CTSL: variants seen among roughly 807,000 people sequenced by gnomAD.
CTSL encodes cathepsin L.
CTSL carries 23 observed loss-of-function variants against 34.7 expected under a neutral mutation model. That is an observed-to-expected ratio of 0.66 (90% CI 0.48 to 0.94). The LOEUF (loss-of-function observed/expected upper bound fraction) is 0.94. CTSL is among the 40% of genes least tolerant of loss of function. The pLI, the probability that CTSL is intolerant of heterozygous loss-of-function variation, is 0.00. For synonymous variants in CTSL, 129 were observed against 136.7 expected, an observed-to-expected ratio of 0.94 and a Z score of 0.39; for missense variants, 361 against 406.3, an observed-to-expected ratio of 0.89 and a Z score of 0.96.
rs773966496 is a variant in CTSL, at chr9:87,728,012, C to T, written c.127-15C>T. On this transcript the variant is annotated splice_polypyrimidine_tract_variant and intron_variant, in intron 2 of 7. Coordinates refer to ENST00000343150, the MANE Select transcript of CTSL (RefSeq NM_001912.5). ...AGGTAGAAGTAAAGAGCATCAGTTA[C>T]ATGTTTGCCTCTAGAATGAAGAAGG... The T allele has an allele frequency of 1.2e-6, 2 of 1,612,928 alleles. No individual in the cohort carries two copies. Among genetic ancestry groups the T allele is most frequent in the South Asian group, 2.2e-5 (2 of 91,072 alleles).
chr9:87,727,957 G>T, intron 2 of CTSL, 70 bp from the exon 3 acceptor site: 1 of 1,598,560 alleles, frequency 6.3e-7, no homozygotes, highest in Non-Finnish European at 8.5e-7. Flanking sequence ...TCTGTCTGCA[G>T]ATTCACTTGG....
rs1371627121 is a variant in CTSL at position 87,731,094 on chromosome 9, A to G, written c.989A>G (p.Tyr330Cys). 1 of 1,613,498 alleles carries G rather than the reference A, an allele frequency of 6.2e-7. No individual in the cohort carries two copies. The highest frequency in any genetic ancestry group is 8.5e-7 in the Non-Finnish European group (1 of 1,179,652). ...NHCGIASAASYPTV is the reference protein window; with the variant it reads ...NHCGIASAASCPTV Reference sequence around the variant, plus strand: ...TGTGGAATTGCCTCAGCAGCCAGCTACCCCACTGTGTGAGCTGGTGGACGG... The same window carrying G: ...TGTGGAATTGCCTCAGCAGCCAGCTGCCCCACTGTGTGAGCTGGTGGACGG... The change falls in exon 8 of 8, where the codon TAC becomes TGC. Residue 330 changes from tyrosine to cysteine, a missense_variant. Transcript: ENST00000343150.
At chr9:87,730,221 G>A (rs550191975) in intron 6 of CTSL, among the ~76,000 whole-genome samples, 160 bp from the exon 7 acceptor site, 1 of 152,028 alleles carries the variant, frequency 6.6e-6, no homozygotes, top group African/African-American at 2.4e-5. Flanking sequence ...TTGTAAATGA[G>A]AGCTTAAATC....
chr9:87,727,769 G>C lies in CTSL; in HGVS notation c.126+40G>C, dbSNP rs144211513. 2.0e-3 allele frequency: 3,292 copies of C among 1,612,110 alleles called. 39 individuals are homozygous for C. In the African/African-American group the frequency reaches 0.025, roughly 12 times the overall value. On this transcript the variant is annotated intron_variant, in intron 2 of 7. Coordinates refer to ENST00000343150, the MANE Select transcript of CTSL (RefSeq NM_001912.5). ...CCCAGAAAGAATAGTCCTGGCTGTT[G>C]AGAAGTTTTAGTCAGAGAGTAGCTT...
At chr9:87,728,216 T>TG in intron 3 of CTSL, 34 bp from the exon 4 acceptor site, 1 of 1,614,118 alleles carries the variant, frequency 6.2e-7, no homozygotes, top group Non-Finnish European at 8.5e-7. Flanking sequence ...GGTAATCTCT[T>TG]GCTTTTCAAC....
At position 87,728,716 on chromosome 9, in the gene CTSL, A is replaced by C; in HGVS notation, c.528A>C (p.Glu176Asp). 6.2e-7 allele frequency: 1 copy of C among 1,614,176 alleles called. No individual in the cohort carries two copies. The highest frequency in any genetic ancestry group is 8.5e-7 in the Non-Finnish European group (1 of 1,180,032). Residue 176 changes from glutamate to aspartate, a missense_variant, in exon 5 of 8, where the codon GAA becomes GAC. By Grantham distance (45) the Glu-to-Asp change is conservative (BLOSUM62 2). Coordinates refer to ENST00000343150, the MANE Select transcript of CTSL (RefSeq NM_001912.5). ...ACTGCTCTGGGCCTCAAGGCAATGA[A>C]GGCTGCAATGGTGGCCTAATGGATT... ...LVDCSGPQGN[E>D]GCNGGLMDYA...
At chr9:87,729,157 CCT>C (rs1826156542) in intron 5 of CTSL, among the ~76,000 whole-genome samples, 1 of 150,166 alleles carries the variant, frequency 6.7e-6, no homozygotes, top group Non-Finnish European at 1.5e-5. Flanking sequence ...AGAATGAGAC[CCT>C]GTCTCCAAAA....
In CTSL at chr9:87,728,695, C is replaced by T; in HGVS notation, c.507C>T (p.Cys169=). 3 of 1,614,092 alleles carry T rather than the reference C, an allele frequency of 1.9e-6. No individual in the cohort carries two copies. The highest frequency in any genetic ancestry group is 2.5e-6 in the Non-Finnish European group (3 of 1,180,022). Residue 169 remains cysteine (C), a synonymous_variant, in exon 5 of 8, where the codon TGC becomes TGT. Transcript: ENST00000343150. ...ISLSEQNLVD[C]SGPQGNEGCN... ...TGAGTGAGCAGAATCTGGTAGACTG[C>T]TCTGGGCCTCAAGGCAATGAAGGCT...
Position 87,727,662 on chromosome 9 carries a change from C to G in CTSL, c.59C>G (p.Thr20Arg). The G allele has an allele frequency of 1.2e-6, 2 of 1,614,028 alleles. No individual in the cohort carries two copies. Among genetic ancestry groups the G allele is most frequent in the Non-Finnish European group, 1.7e-6 (2 of 1,179,966 alleles). The change falls in exon 2 of 8, where the codon ACA becomes AGA. Residue 20 changes from threonine to arginine, a missense_variant. Thr to Arg is a moderately conservative substitution (Grantham distance 71). Coordinates refer to ENST00000343150, the MANE Select transcript of CTSL (RefSeq NM_001912.5). ...CTGGGAATTGCCTCAGCTACTCTAA[C>G]ATTTGATCACAGTTTAGAGGCACAG... ...FCLGIASATL[T>R]FDHSLEAQWT...
At chr9:87,730,075 G>A (rs1826200237) in intron 6 of CTSL, among the ~76,000 whole-genome samples, 1 of 152,034 alleles carries the variant, frequency 6.6e-6, no homozygotes, top group Admixed American at 6.6e-5. Context: ...TTTGATTCAA[G>A]GATTTTAGTG....
rs546801058 is a variant in CTSL, at chr9:87,727,614, C to T, written c.11C>T (p.Thr4Ile). 6.2e-7 allele frequency: 1 copy of T among 1,614,132 alleles called. No individual in the cohort carries two copies. Among genetic ancestry groups the T allele is most frequent in the East Asian group, 2.2e-5 (1 of 44,884 alleles). Residue 4 changes from threonine (T) to isoleucine (I), a missense_variant, in exon 2 of 8, where the codon ACA (threonine) becomes ATA (isoleucine). Physicochemically the swap from Thr to Ile is moderately conservative, Grantham distance 89 (BLOSUM62 -1). Coordinates refer to ENST00000343150, the MANE Select transcript of CTSL (RefSeq NM_001912.5). ...CCTAGGTTTTAAAACATGAATCCTA[C>T]ACTCATCCTTGCTGCCTTTTGCCTG... MNP[T>I]LILAAFCLGI... is the part of the protein sequence containing the mutation.
chr9:87,731,374 A>G lies in CTSL; in HGVS notation c.*267A>G, dbSNP rs188657951. 4 of 274,542 alleles carry G rather than the reference A, an allele frequency of 1.5e-5. No individual in the cohort carries two copies. In the East Asian group the frequency reaches 1.9e-4, roughly 13 times the overall value. The allele number at this position is 274,542 out of a possible 1,614,324, so 17.0% of individuals were successfully genotyped here. A position where few individuals can be genotyped will look rare whatever the true frequency, so the allele number is the denominator to read the frequency against. ...TGTATAAATTTTTACCTGTTTAAAT[A>G]AAATTTAATTTCAAATGTAGTGGTG... On this transcript the variant is annotated 3_prime_UTR_variant, in exon 8 of 8. Transcript: ENST00000343150.
chr9:87,730,614 C>CT, intron 7 of CTSL, 116 bp downstream of exon 7: 2 of 663,386 alleles, frequency 3.0e-6, no homozygotes, highest in Non-Finnish European at 5.1e-6. Flanking sequence ...CCCCAGAAGT[C>CT]TAAGTTGAAC....
chr9:87,728,559 A>T, intron 4 of CTSL, 26 bp from the exon 5 acceptor site: 1 of 1,593,028 alleles, frequency 6.3e-7, no homozygotes. Flanking sequence ...TTTGTGGATG[A>T]CAGCTTTTTT....
rs1826250166 is a variant in CTSL at position 87,731,190 on chromosome 9, C to T, written c.*83C>T. 1 of 988,560 alleles carries T rather than the reference C, an allele frequency of 1.0e-6. No individual in the cohort carries two copies. The highest frequency in any genetic ancestry group is 1.6e-5 in the African/African-American group (1 of 62,670). The allele number at this position is 988,560 out of a possible 1,614,324, so 61.2% of individuals were successfully genotyped here. A position where few individuals can be genotyped will look rare whatever the true frequency, so the allele number is the denominator to read the frequency against. On this transcript the variant is annotated 3_prime_UTR_variant, in exon 8 of 8. Coordinates refer to ENST00000343150, the MANE Select transcript of CTSL (RefSeq NM_001912.5). ...TTCATCTTCAGTCTACCAGCCCCCG[C>T]TGTGTCGGATACACACTCGAATCAT...
chr9:87,729,778 T>C, intron 6 of CTSL, 43 bp downstream of exon 6: 1 of 1,564,510 alleles, frequency 6.4e-7, no homozygotes, highest in Non-Finnish European at 8.7e-7. Context: ...AGAAAAAGAG[T>C]ATCATGACAT....
Position 87,731,096 on chromosome 9 carries a change from C to T in CTSL, c.991C>T (p.Pro331Ser). ...TGGAATTGCCTCAGCAGCCAGCTAC[C>T]CCACTGTGTGAGCTGGTGGACGGTG... ...HCGIASAASYPTV is the reference protein window; with the variant it reads ...HCGIASAASYSTV The change falls in exon 8 of 8, where the codon CCC becomes TCC. Residue 331 changes from proline to serine, a missense_variant. Transcript: ENST00000343150. The T allele has an allele frequency of 6.2e-7, 1 of 1,613,714 alleles. No individual in the cohort carries two copies. Among genetic ancestry groups the T allele is most frequent in the Non-Finnish European group, 8.5e-7 (1 of 1,179,720 alleles).
At position 87,729,553 on chromosome 9, in the gene CTSL, T is replaced by C. The variant is rs1826173122; in HGVS notation, c.622-20T>C. The C allele has an allele frequency of 6.2e-7, 1 of 1,610,932 alleles. No individual in the cohort carries two copies. Among genetic ancestry groups the C allele is most frequent in the Non-Finnish European group, 8.5e-7 (1 of 1,179,018 alleles). On this transcript the variant is annotated intron_variant, in intron 5 of 7. Transcript: ENST00000343150. ...AGGACAGCAGTAATCAAGTCTTTTT[T>C]TTCCCTTTACCTTTGAAAGGAAGAA...
In CTSL at chr9:87,727,672, C is replaced by G; in HGVS notation, c.69C>G (p.His23Gln). ...CCTCAGCTACTCTAACATTTGATCA[C>G]AGTTTAGAGGCACAGTGGACCAAGT... ...GIASATLTFD[H>Q]SLEAQWTKWK... is the part of the protein sequence containing the mutation. Residue 23 changes from histidine (H) to glutamine (Q), a missense_variant, in exon 2 of 8, where the codon CAC (histidine) becomes CAG (glutamine). Physicochemically the swap from His to Gln is conservative, Grantham distance 24. Coordinates refer to ENST00000343150, the MANE Select transcript of CTSL (RefSeq NM_001912.5). 1.2e-6 allele frequency: 2 copies of G among 1,613,958 alleles called. No homozygotes were observed. The highest frequency in any genetic ancestry group is 1.7e-6 in the Non-Finnish European group (2 of 1,179,938).
Sources: allele counts gnomAD v4.1 joint callset (sites outside exome capture counted in the v4.1 genomes callset), GRCh38; gene constraint gnomAD v4.1.1; transcripts MANE v1.5; gene names NCBI Gene and HGNC (gene_info 2026-07-23, HGNC 2026-07-21).